SRGAP1: variants seen among roughly 807,000 people sequenced by gnomAD.
SRGAP1 encodes SLIT-ROBO Rho GTPase-activating protein 1.
In SRGAP1, 43 loss-of-function variants were observed where a neutral mutation model predicts 121.9. The observed-to-expected ratio is 0.35, with a 90% CI of 0.28 to 0.46. The LOEUF (loss-of-function observed/expected upper bound fraction) is 0.46, where lower values mean the gene tolerates loss of function less well. SRGAP1 is among the 20% of genes least tolerant of loss of function. The pLI is 1.00. For missense variants in SRGAP1, 1,102 were observed against 1,350.9 expected (o/e 0.82, Z 2.89); for synonymous variants, 447 against 485.4 (o/e 0.92, Z 1.04).
intron 1 of SRGAP1, among the ~76,000 whole-genome samples, chr12:63,880,135 C>G (rs1900146758): frequency 6.6e-6 from 1 of 152,204 alleles, no homozygotes; most frequent in Admixed American, 6.5e-5. Context: ...CACACACTCT[C>G]TAGCCTGCTG....
chr12:63,855,408 C>T (rs913613707), intron 1 of SRGAP1, among the ~76,000 whole-genome samples: 1 of 144,242 alleles, frequency 6.9e-6, no homozygotes, highest in Non-Finnish European at 1.5e-5. Context: ...CTAATTATAA[C>T]TTGATGGTCA....
chr12:64,138,342 G>C lies in SRGAP1; in HGVS notation c.2881-3953G>C, dbSNP rs28610244. Among the ~76,000 whole-genome samples, 1,048 of 150,732 alleles carry C rather than the reference G, an allele frequency of 7.0e-3. 19 individuals are homozygous for C. The highest frequency in any genetic ancestry group is 0.023 in the African/African-American group (946 of 41,054). Reference sequence around the variant, plus strand: ...TTTCATAATTTAAATTTTTTTGTATGTATATACCACATTTTGTTTATCCAT... The same window carrying C: ...TTTCATAATTTAAATTTTTTTGTATCTATATACCACATTTTGTTTATCCAT... On this transcript the variant is annotated intron_variant, in intron 21 of 21. Transcript: ENST00000355086.
At chr12:64,107,234 C>T (rs537147468) in intron 15 of SRGAP1, among the ~76,000 whole-genome samples, 133 of 152,200 alleles carry the variant, frequency 8.7e-4, no homozygotes, top group African/African-American at 3.1e-3. Flanking sequence ...TGGAAAACAG[C>T]TGGGGTCAGC....
chr12:63,906,295 CTTTT>C (rs1206222570), intron 1 of SRGAP1, among the ~76,000 whole-genome samples: 1 of 151,366 alleles, frequency 6.6e-6, no homozygotes, highest in Non-Finnish European at 1.5e-5. Context: ...TTTAATAGTT[CTTTT>C]TTTGTTTGTT....
In SRGAP1 at chr12:64,085,142, C is replaced by T. The variant is rs142556807; in HGVS notation, c.1409-1857C>T. Among the ~76,000 whole-genome samples the T allele has an allele frequency of 1.7e-3, 261 of 152,160 alleles. 1 individual carries two copies. Among genetic ancestry groups the T allele is most frequent in the African/African-American group, 6.0e-3 (249 of 41,498 alleles). ...ACAAACTTGGACCTGAGTGCCACAC[C>T]CACCCCATACTAATAGCGTGACCTT... On this transcript the variant is annotated intron_variant, in intron 10 of 21. Transcript: ENST00000355086.
Position 63,844,903 on chromosome 12 carries a change from C to T in SRGAP1, c.67+20C>T, listed in dbSNP as rs1478045591. 6.2e-7 allele frequency: 1 copy of T among 1,611,098 alleles called. No homozygotes were observed. The highest frequency in any genetic ancestry group is 8.5e-7 in the Non-Finnish European group (1 of 1,177,250). ...TCAAAGGTAAGGATGGGAGCGGCTG[C>T]CTTGCTCCTTTTGTGTGCCTTCTTG... On this transcript the variant is annotated intron_variant, in intron 1 of 21. Coordinates refer to ENST00000355086, the MANE Select transcript of SRGAP1 (RefSeq NM_020762.4). This position sits in a 1 kb window ranked among gnomAD's most constrained non-coding sequence, Gnocchi z 4.3.
intron 1 of SRGAP1, among the ~76,000 whole-genome samples, chr12:63,954,920 A>G (rs2032416221): frequency 6.6e-6 from 1 of 152,146 alleles, no homozygotes; most frequent in African/African-American, 2.4e-5. Context: ...AAGTGTCCCA[A>G]TTGTCAGTAC....
chr12:63,920,698 G>A (rs2031005656), intron 1 of SRGAP1, among the ~76,000 whole-genome samples: 1 of 152,132 alleles, frequency 6.6e-6, no homozygotes, highest in African/African-American at 2.4e-5. Flanking sequence ...TGAAGAAGGT[G>A]GTGAGAAGCT....
At chr12:64,054,248 C>G (rs139359465) in intron 6 of SRGAP1, among the ~76,000 whole-genome samples, 1 of 152,194 alleles carries the variant, frequency 6.6e-6, no homozygotes, top group African/African-American at 2.4e-5. Context: ...AGGAATAATC[C>G]CCTACTCCAG....
chr12:64,104,461 T>C (rs1381406397), intron 15 of SRGAP1, among the ~76,000 whole-genome samples: 1 of 152,228 alleles, frequency 6.6e-6, no homozygotes, highest in African/African-American at 2.4e-5. Flanking sequence ...AAGACCCATC[T>C]TTCCCTCCAG....
chr12:63,980,624 C>G (rs1389528427), intron 1 of SRGAP1, among the ~76,000 whole-genome samples: 1 of 148,948 alleles, frequency 6.7e-6, no homozygotes, highest in Non-Finnish European at 1.5e-5. Flanking sequence ...GATGGAGTCT[C>G]GCTGTGTTGC....
chr12:63,853,824 C>A (rs1899153793), intron 1 of SRGAP1, among the ~76,000 whole-genome samples: 2 of 152,202 alleles, frequency 1.3e-5, no homozygotes, highest in Admixed American at 6.5e-5. Flanking sequence ...TCAACTCCAC[C>A]CTCCTTGAGT....
chr12:64,076,439 T>A (rs2136558331), intron 8 of SRGAP1, among the ~76,000 whole-genome samples: 1 of 152,336 alleles, frequency 6.6e-6, no homozygotes, highest in Non-Finnish European at 1.5e-5. Context: ...ATAGGAATTC[T>A]AGCACTGAGA....
At chr12:63,981,446 G>T (rs1422387946) in intron 1 of SRGAP1, among the ~76,000 whole-genome samples, 1 of 152,190 alleles carries the variant, frequency 6.6e-6, no homozygotes, top group Non-Finnish European at 1.5e-5. Context: ...GCAGCAAGAT[G>T]TTCTAAAATT....
chr12:63,902,624 G>A (rs916043693), intron 1 of SRGAP1, among the ~76,000 whole-genome samples: 25 of 152,292 alleles, frequency 1.6e-4, no homozygotes, highest in African/African-American at 6.0e-4. Context: ...TTTAATATGT[G>A]CAAGTGGAAC....
intron 1 of SRGAP1, among the ~76,000 whole-genome samples, chr12:63,857,536 C>T (rs997150442): frequency 1.5e-4 from 23 of 152,054 alleles, no homozygotes; most frequent in African/African-American, 4.8e-4. Context: ...TGTGCACCAC[C>T]ATACCTGGCA....
At chr12:63,958,705 G>T (rs1250940391) in intron 1 of SRGAP1, among the ~76,000 whole-genome samples, 1 of 152,128 alleles carries the variant, frequency 6.6e-6, no homozygotes, top group Non-Finnish European at 1.5e-5. Flanking sequence ...CCTGCTTTCT[G>T]CAAGTGTTAC....
Position 64,111,981 on chromosome 12 carries a change from C to T in SRGAP1, c.2139C>T (p.Asp713=). 1 of 1,612,532 alleles carries T rather than the reference C, an allele frequency of 6.2e-7. No homozygotes were observed. Among genetic ancestry groups the T allele is most frequent in the Non-Finnish European group, 8.5e-7 (1 of 1,179,008 alleles). The change falls in exon 17 of 22, where the codon GAC becomes GAT. Residue 713 remains aspartate (D), a synonymous_variant. Coordinates refer to ENST00000355086, the MANE Select transcript of SRGAP1 (RefSeq NM_020762.4). The stretch of plus-strand genomic sequence containing the variant: ...ATGAGAAATGTATGGCTGGAGATGA[C>T]TATTGGTAAGTCTAAGAATTTTAGT... ...PVYEKCMAGD[D]YCDSPYSEHG... is the part of the protein sequence containing the mutation.
chr12:64,031,642 C>T (rs2034783038), intron 4 of SRGAP1, among the ~76,000 whole-genome samples: 2 of 152,136 alleles, frequency 1.3e-5, no homozygotes, highest in Non-Finnish European at 2.9e-5. Context: ...TGTCATCCTA[C>T]ACTATTTCCT....
Sources: gnomAD v4.1 joint callset for allele counts (sites outside exome capture counted in the v4.1 genomes callset) on GRCh38, gnomAD v4.1.1 for gene constraint, Gnocchi (gnomAD v3.1) non-coding constraint, MANE v1.5 for transcripts, NCBI Gene and HGNC (gene_info 2026-07-23, HGNC 2026-07-21) for gene names.